The following CHD9 variants were observed in gnomAD, a reference collection of about 807,000 sequenced individuals.
CHD9 encodes the protein ATP-dependent chromatin remodeler CHD9.
CHD9 carries 77 observed loss-of-function variants against 316.1 expected under a neutral mutation model. The observed-to-expected ratio is 0.24, with a 90% CI of 0.20 to 0.29. The LOEUF is 0.29. Among genes scored for constraint, CHD9 ranks in the 10% least tolerant of loss-of-function variants. CHD9 has a pLI of 1.00. For missense variants in CHD9, 2,763 were observed against 3,438.1 expected (o/e 0.80, Z 4.91); for synonymous variants, 1,129 against 1,158.3 (o/e 0.97, Z 0.51).
chr16:53,252,718 C>T (rs1156571397), intron 17 of CHD9, among the ~76,000 whole-genome samples: 1 of 150,416 alleles, frequency 6.6e-6, no homozygotes. Context: ...AAAAACAGTT[C>T]CATCAAAAAG....
Position 53,231,470 on chromosome 16 carries a change from G to C in CHD9, c.2338G>C (p.Glu780Gln). The change falls in exon 9 of 39, where the codon GAA becomes CAA. Residue 780 changes from glutamate (E) to glutamine (Q), a missense_variant. Physicochemically the swap from Glu to Gln is conservative, Grantham distance 29. Coordinates refer to ENST00000447540, the MANE Select transcript of CHD9 (RefSeq NM_001308319.2). ...PDYVEVDRVLEVSFCEDKDTG... is the reference protein window; with the variant it reads ...PDYVEVDRVLQVSFCEDKDTG... ...CTACGTTGAAGTAGACAGAGTATTAGAAGTCTCTTTTTGTGAAGATAAGGA... is the reference window on the plus strand; with the variant it reads ...CTACGTTGAAGTAGACAGAGTATTACAAGTCTCTTTTTGTGAAGATAAGGA... The C allele has an allele frequency of 6.2e-7, 1 of 1,601,944 alleles. No homozygotes were observed. Among genetic ancestry groups the C allele is most frequent in the Non-Finnish European group, 8.5e-7 (1 of 1,170,928 alleles).
chr16:53,244,955 AT>A (rs910259729), intron 13 of CHD9, among the ~76,000 whole-genome samples: 8 of 152,088 alleles, frequency 5.3e-5, no homozygotes, highest in African/African-American at 1.4e-4. Context: ...CTACAAAAAA[AT>A]ATTTTTTTAA....
intron 1 of CHD9, among the ~76,000 whole-genome samples, chr16:53,112,679 TG>T (rs1175040929): frequency 2.0e-5 from 3 of 152,134 alleles, no homozygotes; most frequent in Admixed American, 1.3e-4. Context: ...ATTTGCACAA[TG>T]TAGTATTTTT....
At chr16:53,315,755 A>G (rs2056835025) in intron 36 of CHD9, among the ~76,000 whole-genome samples, 14 of 152,162 alleles carry the variant, frequency 9.2e-5, no homozygotes, top group Admixed American at 9.2e-4. Flanking sequence ...CTAGGAATAC[A>G]GACATGAACC....
chr16:53,107,046 G>A (rs1486480952), intron 1 of CHD9, among the ~76,000 whole-genome samples: 2 of 152,182 alleles, frequency 1.3e-5, no homozygotes, highest in Non-Finnish European at 2.9e-5. Flanking sequence ...TTTACAATAT[G>A]TAGTCACCCT....
At chr16:53,147,761 T>A (rs1336947312) in intron 1 of CHD9, among the ~76,000 whole-genome samples, 1 of 152,162 alleles carries the variant, frequency 6.6e-6, no homozygotes, top group African/African-American at 2.4e-5. Context: ...GTTTCCAGCT[T>A]TTGTCTATTG....
chr16:53,100,602 G>T (rs1028557428), intron 1 of CHD9, among the ~76,000 whole-genome samples: 1 of 152,082 alleles, frequency 6.6e-6, no homozygotes, highest in African/African-American at 2.4e-5. Flanking sequence ...GGGACTACAG[G>T]CATGCACAAC....
chr16:53,090,019 A>T (rs779870633), intron 1 of CHD9, among the ~76,000 whole-genome samples: 9 of 152,206 alleles, frequency 5.9e-5, no homozygotes, highest in Non-Finnish European at 1.3e-4. Context: ...TTGATCCTGG[A>T]GCCAAGAGCA....
intron 2 of CHD9, among the ~76,000 whole-genome samples, chr16:53,161,903 C>T (rs1193172378): frequency 6.6e-6 from 1 of 152,140 alleles, no homozygotes; most frequent in African/African-American, 2.4e-5. Context: ...CAGGCATGCA[C>T]CACCATGCCC....
chr16:53,178,755 A>G (rs953640443), intron 2 of CHD9, among the ~76,000 whole-genome samples: 1 of 151,798 alleles, frequency 6.6e-6, no homozygotes, highest in African/African-American at 2.4e-5. Context: ...GAGCCACCTC[A>G]CCTGGCCTTA....
At chr16:53,323,293 A>G (rs1022735109) in intron 38 of CHD9, among the ~76,000 whole-genome samples, 2 of 152,222 alleles carry the variant, frequency 1.3e-5, no homozygotes, top group African/African-American at 2.4e-5. Flanking sequence ...TGTTTTACCT[A>G]TTTTAAATGT....
chr16:53,076,281 T>A (rs2034516441), intron 1 of CHD9, among the ~76,000 whole-genome samples: 1 of 152,112 alleles, frequency 6.6e-6, no homozygotes, highest in South Asian at 2.1e-4. Context: ...TAAAAAAAAA[T>A]TATTTTAATT....
At chr16:53,295,451 T>A (rs1235915477) in intron 29 of CHD9, among the ~76,000 whole-genome samples, 1 of 152,178 alleles carries the variant, frequency 6.6e-6, no homozygotes, top group Non-Finnish European at 1.5e-5. Context: ...TTTTAACCAG[T>A]CTAGCTCACA....
At chr16:53,288,128 C>T in intron 27 of CHD9, 114 bp downstream of exon 27, 1 of 740,572 alleles carries the variant, frequency 1.4e-6, no homozygotes, top group South Asian at 1.6e-5. Context: ...TCTTCTGTTC[C>T]TCAGATTAGC....
intron 7 of CHD9, among the ~76,000 whole-genome samples, chr16:53,228,521 G>T (rs375164660): frequency 5.0e-5 from 7 of 140,040 alleles, no homozygotes; most frequent in South Asian, 2.3e-4. Context: ...ACTTATCTTT[G>T]TACCTCCATG....
intron 1 of CHD9, among the ~76,000 whole-genome samples, chr16:53,072,939 C>A (rs1318084457): frequency 6.6e-6 from 1 of 152,166 alleles, no homozygotes; most frequent in Non-Finnish European, 1.5e-5. Context: ...AGGTGATCCA[C>A]CCGCCTCGGT....
rs1449337460 is a variant in CHD9, at chr16:53,157,338, C to T, written c.1249C>T (p.His417Tyr). Residue 417 changes from histidine (H) to tyrosine (Y), a missense_variant, in exon 2 of 39, where the codon CAC becomes TAC. His to Tyr is a moderately conservative substitution (Grantham distance 83). Coordinates refer to ENST00000447540, the MANE Select transcript of CHD9 (RefSeq NM_001308319.2). ...CCTCCTTCAGGAGGGTCTTCTTCCT[C>T]ACTTTGATGAGTCAACATTCGGACA... is the stretch of plus-strand genomic sequence containing the variant. Reference protein sequence around the residue: ...EDLLQEGLLPHFDESTFGQDN... With the variant: ...EDLLQEGLLPYFDESTFGQDN... 6.2e-7 allele frequency: 1 copy of T among 1,613,816 alleles called. No individual in the cohort carries two copies. Among genetic ancestry groups the T allele is most frequent in the Admixed American group, 1.7e-5 (1 of 59,986 alleles).
chr16:53,121,589 A>C, intron 1 of CHD9: 1 of 355,410 alleles, frequency 2.8e-6, no homozygotes, highest in Non-Finnish European at 5.5e-6. Context: ...TACAAGTGAG[A>C]ATCTGAAGAA....
At position 53,154,288 on chromosome 16, in the gene CHD9, C is replaced by G. The variant is rs566373908; in HGVS notation, c.-164-1638C>G. On this transcript the variant is annotated intron_variant, in intron 1 of 38. Transcript: ENST00000447540. ...CTGTGACATTCTAAAGCTGACTGTTCCTCAAACCAAACATCACTTACTATT... is the reference window on the plus strand; with the variant it reads ...CTGTGACATTCTAAAGCTGACTGTTGCTCAAACCAAACATCACTTACTATT... Among the ~76,000 whole-genome samples, 4 of 152,218 alleles carry G rather than the reference C, an allele frequency of 2.6e-5. No homozygotes were observed. The South Asian group carries it at 8.3e-4, about 32-fold the overall frequency.
Sources: allele counts gnomAD v4.1 joint callset (sites outside exome capture counted in the v4.1 genomes callset), GRCh38; gene constraint gnomAD v4.1.1; transcripts MANE v1.5; gene names NCBI Gene and HGNC (gene_info 2026-07-23, HGNC 2026-07-21).